Variants in MCU observed in about 807,000 individuals in gnomAD.
MCU encodes calcium uniporter protein, mitochondrial.
Under a neutral mutation model 45.2 loss-of-function variants are expected in MCU, and 12 were observed. The ratio of observed to expected loss-of-function variants is 0.27; its 90% CI spans 0.17 to 0.43. The LOEUF (loss-of-function observed/expected upper bound fraction) is 0.43. Ranked by LOEUF, MCU falls within the 20% of genes least tolerant of loss-of-function variation. MCU has a pLI of 1.00. For missense variants in MCU, 324 were observed against 436.7 expected, an observed-to-expected ratio of 0.74 and a Z score of 2.30; for synonymous variants, 160 against 165.1, an observed-to-expected ratio of 0.97 and a Z score of 0.24.
intron 6 of MCU, among the ~76,000 whole-genome samples, chr10:72,876,259 T>G (rs566554133): frequency 6.6e-6 from 1 of 152,322 alleles, no homozygotes; most frequent in Non-Finnish European, 1.5e-5. Flanking sequence ...AGACCTTTTA[T>G]TCACTCACTC....
At chr10:72,796,208 G>A (rs1442832531) in intron 1 of MCU, among the ~76,000 whole-genome samples, 2 of 152,100 alleles carry the variant, frequency 1.3e-5, no homozygotes, top group South Asian at 2.1e-4. Context: ...GGAGGCCAGT[G>A]TGGGAGGATG....
chr10:72,738,088 A>G (rs1443574708), intron 1 of MCU, among the ~76,000 whole-genome samples: 2 of 152,210 alleles, frequency 1.3e-5, no homozygotes, highest in East Asian at 3.8e-4. Context: ...TAGACTGGAC[A>G]CTGGGAACAG....
rs546251602 is a variant in MCU, at chr10:72,734,759, G to A, written c.150+42458G>A. ...CTCCCAAGTAGCTAGGACCAAAGGC[G>A]TGTGACACCATGCCTAGCTATTAAA... On this transcript the variant is annotated intron_variant, in intron 1 of 7. Coordinates refer to ENST00000373053, the MANE Select transcript of MCU (RefSeq NM_138357.3). Among the ~76,000 whole-genome samples, 7 of 151,984 alleles carry A rather than the reference G, an allele frequency of 4.6e-5. No homozygotes were observed. In the South Asian group the frequency reaches 8.3e-4, roughly 18 times the overall value.
chr10:72,835,484 A>G (rs1844943462), intron 2 of MCU, among the ~76,000 whole-genome samples: 1 of 152,234 alleles, frequency 6.6e-6, no homozygotes, highest in Non-Finnish European at 1.5e-5. Flanking sequence ...GCAAATTTAC[A>G]AGGGTGCCTA....
intron 1 of MCU, among the ~76,000 whole-genome samples, chr10:72,697,426 A>ATTTTTTTT (rs1001610262): frequency 4.7e-5 from 3 of 64,126 alleles, no homozygotes; most frequent in Non-Finnish European, 8.8e-5. Context: ...CCAGACTTCT[A>ATTTTTTTT]TTTTTTTTTT....
intron 1 of MCU, among the ~76,000 whole-genome samples, chr10:72,699,005 T>A (rs1387159615): frequency 6.6e-6 from 1 of 152,158 alleles, no homozygotes; most frequent in Non-Finnish European, 1.5e-5. Flanking sequence ...AGTCTCACTA[T>A]GTTGCCCATG....
intron 1 of MCU, among the ~76,000 whole-genome samples, chr10:72,786,981 G>T (rs1271162435): frequency 1.3e-5 from 2 of 152,034 alleles, no homozygotes; most frequent in South Asian, 2.1e-4. Context: ...AAATAGCAAA[G>T]AAAATTTATA....
intron 1 of MCU, among the ~76,000 whole-genome samples, chr10:72,822,006 T>C (rs1589479891): frequency 1.3e-5 from 2 of 152,222 alleles, no homozygotes; most frequent in South Asian, 2.1e-4. Flanking sequence ...CTGGACGTGG[T>C]GGCTCACGCC....
At chr10:72,750,492 T>G (rs1382880247) in intron 1 of MCU, among the ~76,000 whole-genome samples, 4 of 152,220 alleles carry the variant, frequency 2.6e-5, no homozygotes, top group Non-Finnish European at 5.9e-5. Flanking sequence ...AGGCTTCTTG[T>G]TAACCATCTT....
At chr10:72,863,709 T>C (rs1314430101) in intron 4 of MCU, among the ~76,000 whole-genome samples, 1 of 152,152 alleles carries the variant, frequency 6.6e-6, no homozygotes, top group Non-Finnish European at 1.5e-5. Context: ...CTCTGCCTCC[T>C]GGGTTCAAAT....
At chr10:72,710,543 G>GTTTT (rs555887994) in intron 1 of MCU, among the ~76,000 whole-genome samples, 7 of 84,302 alleles carry the variant, frequency 8.3e-5, no homozygotes, top group Non-Finnish European at 1.1e-4. Context: ...ATCACCTAAG[G>GTTTT]TTTTTTTTTT....
chr10:72,875,392 C>G (rs1432918717), intron 6 of MCU, among the ~76,000 whole-genome samples: 1 of 152,126 alleles, frequency 6.6e-6, no homozygotes, highest in Non-Finnish European at 1.5e-5. Flanking sequence ...CTTTAATGCC[C>G]TACCTGTCCT....
chr10:72,738,925 C>G (rs114634754), intron 1 of MCU, among the ~76,000 whole-genome samples: 1 of 152,052 alleles, frequency 6.6e-6, no homozygotes, highest in Non-Finnish European at 1.5e-5. Flanking sequence ...TCAAAATGCT[C>G]GGTTTTTTTT....
chr10:72,881,521 A>G (rs1845700460), intron 6 of MCU, among the ~76,000 whole-genome samples: 1 of 152,186 alleles, frequency 6.6e-6, no homozygotes, highest in Admixed American at 6.5e-5. Context: ...CCATCTCACA[A>G]AAGAGAATGA....
intron 1 of MCU, among the ~76,000 whole-genome samples, chr10:72,772,120 CA>C (rs1240418852): frequency 6.6e-6 from 1 of 152,170 alleles, no homozygotes; most frequent in Non-Finnish European, 1.5e-5. Context: ...CAGGCAGAGA[CA>C]AAGTGGGGAG....
chr10:72,711,050 G>A (rs563852955), intron 1 of MCU, among the ~76,000 whole-genome samples: 9 of 151,724 alleles, frequency 5.9e-5, no homozygotes, highest in African/African-American at 1.9e-4. Flanking sequence ...ATGGTGGTGG[G>A]CGCCTGTAAT....
intron 1 of MCU, among the ~76,000 whole-genome samples, chr10:72,763,018 G>T (rs1425467528): frequency 1.3e-5 from 2 of 151,984 alleles, no homozygotes; most frequent in Non-Finnish European, 2.9e-5. Flanking sequence ...CTTGGTTCAT[G>T]ATTTTTTTCT....
intron 4 of MCU, among the ~76,000 whole-genome samples, chr10:72,864,687 G>A (rs1040926306): frequency 1.3e-5 from 2 of 152,136 alleles, no homozygotes; most frequent in Middle Eastern, 3.2e-3. Flanking sequence ...AAAGTTGCAG[G>A]GGGGTGGTGC....
intron 1 of MCU, among the ~76,000 whole-genome samples, chr10:72,832,944 G>GTGTGTGTGTGTGTGTGTGTGTGTA: frequency 6.6e-6 from 1 of 151,742 alleles, no homozygotes; most frequent in Non-Finnish European, 1.5e-5. Flanking sequence ...ATGTGTGTGT[G>GTGTGTGTGTGTGTGTGTGTGTGTA]TGTGTGTGTG....
Sources: gnomAD v4.1 joint callset for allele counts (sites outside exome capture counted in the v4.1 genomes callset) on GRCh38, gnomAD v4.1.1 for gene constraint, MANE v1.5 for transcripts, NCBI Gene and HGNC (gene_info 2026-07-23, HGNC 2026-07-21) for gene names.